INSL6: variants seen among roughly 807,000 people sequenced by gnomAD.
INSL6 encodes insulin like 6, also known as insulin-like peptide INSL6.
INSL6 carries 16 observed loss-of-function variants against 9.4 expected under a neutral mutation model. That is an observed-to-expected ratio of 1.70 (90% confidence interval 1.15 to 2.59). INSL6 has a LOEUF of 2.59. Among genes scored for constraint, INSL6 ranks in the 30% most tolerant of loss-of-function variants. The pLI is 0.00. For synonymous variants in INSL6, 154 were observed against 96.9 expected, an observed-to-expected ratio of 1.59 and a Z score of -3.46; for missense variants, 391 against 257.3, an observed-to-expected ratio of 1.52 and a Z score of -3.56.
chr9:5,046,271 T>G, the INSL6 span, among the ~76,000 whole-genome samples: 2 of 152,198 alleles, frequency 1.3e-5, no homozygotes, highest in Non-Finnish European at 2.9e-5. Flanking sequence ...GTTGTTTGTT[T>G]GTTGTTATAT....
chr9:5,045,813 A>G, the INSL6 span, among the ~76,000 whole-genome samples: 1 of 152,148 alleles, frequency 6.6e-6, no homozygotes, highest in African/African-American at 2.4e-5. Flanking sequence ...TTGTTCATTC[A>G]TCTGTTGATG....
At chr9:5,151,358 GAAAAT>G (rs764163369) in intron 2 of INSL6, among the ~76,000 whole-genome samples, 1 of 152,006 alleles carries the variant, frequency 6.6e-6, no homozygotes, top group Non-Finnish European at 1.5e-5. Flanking sequence ...TGAAAAATAA[GAAAAT>G]AATGCGTGTA....
At chr9:5,178,009 G>T (rs1197439267) in intron 1 of INSL6, among the ~76,000 whole-genome samples, 1 of 152,172 alleles carries the variant, frequency 6.6e-6, no homozygotes, top group African/African-American at 2.4e-5. Context: ...CCAAGTAGCT[G>T]GGATTACAGG....
chr9:5,090,486 T>C, the INSL6 span: 1 of 1,587,048 alleles, frequency 6.3e-7, no homozygotes, highest in Non-Finnish European at 8.6e-7. Flanking sequence ...ATTTACCATA[T>C]GGAAGTTTAC....
chr9:5,178,591 T>C (rs1258747862), intron 1 of INSL6, among the ~76,000 whole-genome samples: 1 of 152,188 alleles, frequency 6.6e-6, no homozygotes, highest in Non-Finnish European at 1.5e-5. Context: ...TACATCACAC[T>C]ACCCAACTTC....
At chr9:5,143,975 G>A (rs543401646) in intron 2 of INSL6, among the ~76,000 whole-genome samples, 26 of 152,008 alleles carry the variant, frequency 1.7e-4, no homozygotes, top group East Asian at 9.7e-4. Context: ...TTGATCTTTC[G>A]AATCATTTTT....
Position 5,143,763 on chromosome 9 carries a change from G to A in INSL6, c.377-10171C>T, listed in dbSNP as rs539667607. Among the ~76,000 whole-genome samples, 8 of 151,478 alleles carry A rather than the reference G, an allele frequency of 5.3e-5. No individual in the cohort carries two copies. The South Asian group carries it at 6.3e-4, about 12-fold the overall frequency. Reference sequence around the variant, plus strand: ...CAACCTCCACCTGCTGGGTTCAAGCGATTCTCCTGCCTTAGCCTTCCAAGT... The same window carrying A: ...CAACCTCCACCTGCTGGGTTCAAGCAATTCTCCTGCCTTAGCCTTCCAAGT... On this transcript the variant is annotated intron_variant, in intron 2 of 3. Coordinates refer to the INSL6 transcript ENST00000649639.
chr9:5,062,906 C>A, the INSL6 span, among the ~76,000 whole-genome samples: 2 of 151,926 alleles, frequency 1.3e-5, no homozygotes, highest in African/African-American at 4.8e-5. Context: ...GACTAGTTTT[C>A]TTTTTTTATT....
chr9:5,116,735 TAGAAA>T, the INSL6 span, among the ~76,000 whole-genome samples: 6 of 152,190 alleles, frequency 3.9e-5, no homozygotes, highest in Admixed American at 2.6e-4. Context: ...TGTCCCTTAG[TAGAAA>T]GGCTGAACTA....
the INSL6 span, chr9:5,064,832 A>G: frequency 7.4e-7 from 1 of 1,356,776 alleles, no homozygotes; most frequent in South Asian, 1.6e-5. Flanking sequence ...AATATTTAAC[A>G]TGGAGTTGAC....
chr9:5,050,643 T>G, the INSL6 span: 11 of 1,562,386 alleles, frequency 7.0e-6, no homozygotes, highest in South Asian at 1.2e-4. Flanking sequence ...AACATGATAA[T>G]GAAACTTACG....
At chr9:5,092,056 T>G in the INSL6 span, among the ~76,000 whole-genome samples, 1 of 152,056 alleles carries the variant, frequency 6.6e-6, no homozygotes, top group African/African-American at 2.4e-5. Context: ...CAATCAGAAT[T>G]GTAAAACAAG....
chr9:5,030,464 A>AT, the INSL6 span, among the ~76,000 whole-genome samples: 1 of 152,082 alleles, frequency 6.6e-6, no homozygotes, highest in African/African-American at 2.4e-5. Context: ...AATACCTGTG[A>AT]TTTTTCTAAG....
At chr9:5,127,352 G>A (rs1165814088) in intron 3 of INSL6, 10 of 231,320 alleles carry the variant, frequency 4.3e-5, no homozygotes. Flanking sequence ...CATTTATATC[G>A]CTGGCCAGCA....
chr9:5,033,366 T>C, the INSL6 span, among the ~76,000 whole-genome samples: 5 of 152,138 alleles, frequency 3.3e-5, no homozygotes, highest in Non-Finnish European at 5.9e-5. Flanking sequence ...CAGGCAAACA[T>C]TCAAATTCAG....
intron 2 of INSL6, among the ~76,000 whole-genome samples, chr9:5,137,205 T>C (rs1383180018): frequency 1.3e-5 from 2 of 152,146 alleles, no homozygotes; most frequent in African/African-American, 4.8e-5. Flanking sequence ...AAGTAATTTA[T>C]AGATTCAATG....
the INSL6 span, among the ~76,000 whole-genome samples, chr9:5,017,358 CTG>C: frequency 6.6e-6 from 1 of 152,176 alleles, no homozygotes; most frequent in Admixed American, 6.6e-5. Context: ...TGGGCACAAA[CTG>C]ATAAAATTCT....
At chr9:5,030,301 GAA>G in the INSL6 span, among the ~76,000 whole-genome samples, 19 of 152,256 alleles carry the variant, frequency 1.2e-4, no homozygotes, top group African/African-American at 4.1e-4. Flanking sequence ...TTGACGTGAA[GAA>G]AAGAGACTTT....
the INSL6 span, among the ~76,000 whole-genome samples, chr9:5,044,924 G>A: frequency 6.6e-6 from 1 of 152,158 alleles, no homozygotes; most frequent in African/African-American, 2.4e-5. Flanking sequence ...GAACTGTAGA[G>A]AAAGTAGGTT....
Sources: gnomAD v4.1 joint callset for allele counts (sites outside exome capture counted in the v4.1 genomes callset) on GRCh38, gnomAD v4.1.1 for gene constraint, MANE v1.5 for transcripts, NCBI Gene and HGNC (gene_info 2026-07-23, HGNC 2026-07-21) for gene names.